TAB2: variants seen among roughly 807,000 people sequenced by gnomAD.
The protein encoded by TAB2 is TGF-beta-activated kinase 1 and MAP3K7-binding protein 2.
In TAB2, 3 loss-of-function variants were observed where a neutral mutation model predicts 65.0. The ratio of observed to expected loss-of-function variants is 0.05; its 90% confidence interval spans 0.02 to 0.12. The LOEUF (loss-of-function observed/expected upper bound fraction) is 0.12, where lower values mean the gene tolerates loss of function less well. Among genes scored for constraint, TAB2 ranks in the 10% least tolerant of loss-of-function variants. The pLI, the probability that TAB2 is intolerant of heterozygous loss-of-function variation, is 1.00. For synonymous variants in TAB2, 298 were observed against 285.1 expected (o/e 1.05, Z -0.46); for missense variants, 623 against 840.3 (o/e 0.74, Z 3.20).
upstream of TAB2, among the ~76,000 whole-genome samples, chr6:149,316,506 C>T (rs574933975): frequency 1.3e-5 from 2 of 152,068 alleles, no homozygotes; most frequent in African/African-American, 2.4e-5. Context: ...GAAGAAACTG[C>T]CAGGGATATG....
chr6:149,386,256 T>G (rs1781805438), intron 3 of TAB2, among the ~76,000 whole-genome samples: 1 of 152,238 alleles, frequency 6.6e-6, no homozygotes, highest in Non-Finnish European at 1.5e-5. Context: ...CTATTATTCT[T>G]TAAAATTTTT....
chr6:149,365,372 G>T (rs1781005719), intron 1 of TAB2, among the ~76,000 whole-genome samples: 1 of 152,124 alleles, frequency 6.6e-6, no homozygotes, highest in African/African-American at 2.4e-5. Flanking sequence ...TAGTTATATT[G>T]CTTTCACTCT....
At chr6:149,330,636 T>C (rs903943101) in intron 1 of TAB2, among the ~76,000 whole-genome samples, 1 of 152,188 alleles carries the variant, frequency 6.6e-6, no homozygotes, top group African/African-American at 2.4e-5. Context: ...TTGTTTTGTT[T>C]TCTTGTTGAG....
chr6:149,396,036 G>A (rs1452815811), intron 3 of TAB2, among the ~76,000 whole-genome samples: 1 of 151,802 alleles, frequency 6.6e-6, no homozygotes, highest in African/African-American at 2.4e-5. Flanking sequence ...ACCCGCCCCC[G>A]AGTTGGAGTC....
intron 1 of TAB2, among the ~76,000 whole-genome samples, chr6:149,335,360 A>G (rs1779903157): frequency 1.3e-5 from 2 of 151,296 alleles, no homozygotes; most frequent in East Asian, 1.9e-4. Context: ...TATAACATAT[A>G]TATAATATTT....
Position 149,381,725 on chromosome 6 carries a change from A to G in TAB2, c.1603+2207A>G, listed in dbSNP as rs1781616782. Among the ~76,000 whole-genome samples the G allele has an allele frequency of 2.6e-5, 4 of 151,584 alleles. No individual in the cohort carries two copies. The South Asian group carries it at 8.4e-4, about 32-fold the overall frequency. On this transcript the variant is annotated intron_variant, in intron 3 of 6. Coordinates refer to ENST00000637181, the MANE Select transcript of TAB2 (RefSeq NM_001292034.3). ...AGTAGCTGGACTACAGGTACACACC[A>G]CCACATCCAGCTAACTTTTTGTATT...
chr6:149,375,466 A>G (rs1781368744), intron 2 of TAB2, among the ~76,000 whole-genome samples: 1 of 152,158 alleles, frequency 6.6e-6, no homozygotes, highest in South Asian at 2.1e-4. Context: ...AACATATTGA[A>G]TAATTACAGA....
At chr6:149,380,591 T>TA (rs1328850681) in intron 3 of TAB2, among the ~76,000 whole-genome samples, 1 of 152,202 alleles carries the variant, frequency 6.6e-6, no homozygotes, top group Non-Finnish European at 1.5e-5. Context: ...GTTAAATAAA[T>TA]ACATTTAGAT....
chr6:149,399,236 T>C (rs1782282673), intron 6 of TAB2, 52 bp downstream of exon 6: 1 of 1,513,920 alleles, frequency 6.6e-7, no homozygotes. Context: ...AGCAAAATTT[T>C]AGAAAATTTT....
chr6:149,352,147 A>T (rs913975263), intron 1 of TAB2, among the ~76,000 whole-genome samples: 2 of 152,168 alleles, frequency 1.3e-5, no homozygotes, highest in African/African-American at 4.8e-5. Flanking sequence ...TTTTATTTTT[A>T]AAAGTTAGAT....
At chr6:149,379,975 C>T (rs908376213) in intron 3 of TAB2, 1 of 450,424 alleles carries the variant, frequency 2.2e-6, no homozygotes, top group African/African-American at 2.0e-5. Context: ...CATGGTGGCT[C>T]ACGCCTGTAA....
rs1413398306 is a variant in TAB2, at chr6:149,379,383, C to T, written c.1468C>T (p.Leu490Phe). The T allele has an allele frequency of 1.2e-6, 2 of 1,614,170 alleles. No individual in the cohort carries two copies. ...VVSPTFELTN[L>F]LNHPDHYVET... ...GTCCCCTACCTTTGAACTTACAAAT[C>T]TTCTTAATCATCCTGATCATTATGT... The change falls in exon 3 of 7, where the codon CTT (leucine) becomes TTT (phenylalanine). Residue 490 changes from leucine (L) to phenylalanine (F), a missense_variant. Physicochemically the swap from Leu to Phe is conservative, Grantham distance 22. Around this residue, in one of 3 missense-constraint regions of TAB2, gnomAD observed 550 missense variants for 665.7 expected, o/e 0.83. Coordinates refer to ENST00000637181, the MANE Select transcript of TAB2 (RefSeq NM_001292034.3).
chr6:149,243,181 T>C (rs893774398), intron 1 of TAB2: 1 of 152,232 alleles, frequency 6.6e-6, no homozygotes, highest in African/African-American at 2.4e-5. Flanking sequence ...TGTCCAATCA[T>C]GGAAGCAGGA....
At chr6:149,228,263 A>T (rs927537646) in intron 1 of TAB2, among the ~76,000 whole-genome samples, 4 of 152,354 alleles carry the variant, frequency 2.6e-5, no homozygotes, top group South Asian at 4.1e-4. Context: ...TTTGAATTAC[A>T]AATGTATAAA....
intron 1 of TAB2, among the ~76,000 whole-genome samples, chr6:149,332,543 A>G (rs879468261): frequency 1.3e-5 from 2 of 152,138 alleles, no homozygotes; most frequent in Non-Finnish European, 2.9e-5. Context: ...TGATAGGTAA[A>G]TGGCTGTTAA....
At chr6:149,398,669 C>G (rs933370370) in intron 5 of TAB2, among the ~76,000 whole-genome samples, 1 of 152,078 alleles carries the variant, frequency 6.6e-6, no homozygotes, top group Non-Finnish European at 1.5e-5. Flanking sequence ...CTTGAACTTA[C>G]TCTTTTTGTG....
intron 1 of TAB2, among the ~76,000 whole-genome samples, chr6:149,253,942 G>GAGAAAGAAAGAAAGAAAA (rs1197911744): frequency 1.7e-5 from 1 of 59,116 alleles, no homozygotes; most frequent in South Asian, 6.3e-4. Flanking sequence ...AAGAAAGAAA[G>GAGAAAGAAAGAAAGAAAA]AGAAAGAAAG....
intron 6 of TAB2, among the ~76,000 whole-genome samples, chr6:149,399,536 C>CCCA (rs1782295918): frequency 6.6e-6 from 1 of 151,564 alleles, no homozygotes; most frequent in African/African-American, 2.4e-5. Flanking sequence ...AAGTTCCCCC[C>CCCA]CCCCATGAGT....
At chr6:149,281,299 C>T (rs1778568543) in intron 1 of TAB2, among the ~76,000 whole-genome samples, 1 of 151,836 alleles carries the variant, frequency 6.6e-6, no homozygotes, top group Non-Finnish European at 1.5e-5. Context: ...CGAACTGGTA[C>T]GATATCCCTT....
Sources: gnomAD v4.1 joint callset for allele counts (sites outside exome capture counted in the v4.1 genomes callset) on GRCh38, gnomAD v4.1.1 for gene constraint, gnomAD v4.1.1 regional missense constraint, MANE v1.5 for transcripts, NCBI Gene and HGNC (gene_info 2026-07-23, HGNC 2026-07-21) for gene names.